NCR3LG1: variants seen among roughly 807,000 people sequenced by gnomAD.
NCR3LG1 encodes the protein natural cytotoxicity triggering receptor 3 ligand 1.
A neutral mutation model predicts 34.8 loss-of-function variants in NCR3LG1; 35 were observed. The ratio of observed to expected loss-of-function variants is 1.01; its 90% confidence interval spans 0.77 to 1.33. The LOEUF is 1.33. Among genes scored for constraint, NCR3LG1 ranks in the 40% most tolerant of loss-of-function variants. The pLI is 0.00. For synonymous variants in NCR3LG1, 173 were observed against 163.6 expected, an observed-to-expected ratio of 1.06 and a Z score of -0.44; for missense variants, 452 against 423.3, an observed-to-expected ratio of 1.07 and a Z score of -0.60.
At chr11:17,370,398 T>C (rs966885317) in intron 4 of NCR3LG1, among the ~76,000 whole-genome samples, 8 of 152,150 alleles carry the variant, frequency 5.3e-5, no homozygotes, top group Non-Finnish European at 7.3e-5. Context: ...CCAGGAAACA[T>C]TGGAAGGGTG....
chr11:17,356,928 A>G lies in NCR3LG1; in HGVS notation c.348A>G (p.Glu116=). The G allele has an allele frequency of 6.5e-7, 1 of 1,536,086 alleles. No individual in the cohort carries two copies. Among genetic ancestry groups the G allele is most frequent in the Non-Finnish European group, 8.7e-7 (1 of 1,146,902 alleles). Residue 116 remains glutamate (E), a synonymous_variant, in exon 2 of 5, where the codon GAA becomes GAG. Coordinates refer to ENST00000338965, the MANE Select transcript of NCR3LG1 (RefSeq NM_001202439.3). ...GGCTGCCTGGAATCCAGCTGGAGGA[A>G]GCAGGAGAGTACCGATGTGAGGTGG... is the stretch of plus-strand genomic sequence containing the variant. ...SLRLPGIQLE[E]AGEYRCEVVV... is the part of the protein sequence containing the mutation.
rs1953325318 is a variant in NCR3LG1 at position 17,364,671 on chromosome 11, C to T, written c.422-2338C>T. 3.3e-5 allele frequency among the ~76,000 whole-genome samples: 5 copies of T among 152,090 alleles called. No homozygotes were observed. In the South Asian group the frequency reaches 1.0e-3, roughly 32 times the overall value. ...AAGTGATTATCCTGCCTCAGCCTCC[C>T]AAGTAGCTGGGATTACAGGCATGCG... On this transcript the variant is annotated intron_variant, in intron 2 of 4. Coordinates refer to ENST00000338965, the MANE Select transcript of NCR3LG1 (RefSeq NM_001202439.3).
downstream of NCR3LG1, among the ~76,000 whole-genome samples, chr11:17,378,357 A>T (rs527743165): frequency 4.3e-4 from 66 of 152,328 alleles, no homozygotes; most frequent in South Asian, 1.5e-3. Flanking sequence ...AATCCCTCTT[A>T]AATGGATTCC....
intron 1 of NCR3LG1, among the ~76,000 whole-genome samples, chr11:17,352,251 G>C (rs1236283707): frequency 6.8e-6 from 1 of 146,742 alleles, no homozygotes; most frequent in Non-Finnish European, 1.5e-5. Flanking sequence ...CGCGATCTCG[G>C]CTCACTGCAA....
In NCR3LG1 at chr11:17,370,366, G is replaced by T. The variant is rs965475313; in HGVS notation, c.858+1402G>T. Among the ~76,000 whole-genome samples the T allele has an allele frequency of 2.0e-5, 3 of 152,216 alleles. No homozygotes were observed. In the East Asian group the frequency reaches 5.8e-4, roughly 29 times the overall value. On this transcript the variant is annotated intron_variant, in intron 4 of 4. Transcript: ENST00000338965. ...CTGCTACATTGTGGTGCATTGACGA[G>T]ACTAACATTTTGGTGCATTGGCCAG... is the stretch of plus-strand genomic sequence containing the variant.
chr11:17,352,734 G>C (rs1214946385), intron 1 of NCR3LG1, among the ~76,000 whole-genome samples: 1 of 151,982 alleles, frequency 6.6e-6, no homozygotes, highest in Non-Finnish European at 1.5e-5. Flanking sequence ...TCCTGGCTTT[G>C]CTAAGTTAGG....
chr11:17,359,885 T>C (rs547118984), intron 2 of NCR3LG1, among the ~76,000 whole-genome samples: 4 of 152,154 alleles, frequency 2.6e-5, no homozygotes, highest in Non-Finnish European at 5.9e-5. Context: ...CCTAATGATA[T>C]AATGTTGGAC....
chr11:17,357,801 G>A lies in NCR3LG1; in HGVS notation c.421+800G>A, dbSNP rs559047111. Among the ~76,000 whole-genome samples the A allele has an allele frequency of 2.6e-5, 4 of 152,108 alleles. No homozygotes were observed. The South Asian group carries it at 8.3e-4, about 32-fold the overall frequency. On this transcript the variant is annotated intron_variant, in intron 2 of 4. Transcript: ENST00000338965. ...AGCTCACTGTAACCTCAAACTCCAG[G>A]GCTCAAGTGATCCCCCTGCCTCAGC...
chr11:17,379,145 C>G (rs1953500395), downstream of NCR3LG1, among the ~76,000 whole-genome samples: 1 of 152,012 alleles, frequency 6.6e-6, no homozygotes, highest in South Asian at 2.1e-4. Context: ...AATTTTTGCT[C>G]CAACCTCACC....
rs1343052819 is a variant in NCR3LG1 at position 17,373,786 on chromosome 11, AC to A, written c.*1275del. 1.3e-5 allele frequency: 2 copies of A among 152,048 alleles called. No individual in the cohort carries two copies. Among genetic ancestry groups the A allele is most frequent in the African/African-American group, 4.8e-5 (2 of 41,374 alleles). 9.4% of individuals were successfully genotyped at this position (152,048 alleles called of 1,614,324 possible). On this transcript the variant is annotated 3_prime_UTR_variant, in exon 5 of 5. Transcript: ENST00000338965. ...CTTTTTAGTCATGCCTGAAAGTCCCACTCCTTTATTAGATAGAGATATTCCA... is the reference window on the plus strand; with the variant it reads ...CTTTTTAGTCATGCCTGAAAGTCCCATCCTTTATTAGATAGAGATATTCCA...
chr11:17,372,340 T>C lies in NCR3LG1; in HGVS notation c.1193T>C (p.Ile398Thr). Reference protein sequence around the residue: ...ALLTVTSGKSIDDNSTKSEKQ... With the variant: ...ALLTVTSGKSTDDNSTKSEKQ... ...CTAACAGTTACATCAGGCAAGTCCA[T>C]AGATGATAATTCCACAAAGTCTGAG... Residue 398 changes from isoleucine to threonine, a missense_variant, in exon 5 of 5, where the codon ATA becomes ACA. Physicochemically the swap from Ile to Thr is moderately conservative, Grantham distance 89. Coordinates refer to ENST00000338965, the MANE Select transcript of NCR3LG1 (RefSeq NM_001202439.3). The C allele has an allele frequency of 1.4e-6, 1 of 703,050 alleles. No individual in the cohort carries two copies. Among genetic ancestry groups the C allele is most frequent in the Non-Finnish European group, 2.6e-6 (1 of 385,012 alleles). 43.6% of individuals were successfully genotyped at this position (703,050 alleles called of 1,614,324 possible).
chr11:17,369,667 A>G (rs1223912302), intron 4 of NCR3LG1, among the ~76,000 whole-genome samples: 1 of 152,264 alleles, frequency 6.6e-6, no homozygotes, highest in East Asian at 1.9e-4. Context: ...TAATCAGTCA[A>G]TTAAGAAAAA....
chr11:17,367,316 TA>T lies in NCR3LG1; in HGVS notation c.730del (p.Thr244ProfsTer2). The T allele has an allele frequency of 6.5e-7, 1 of 1,535,448 alleles. No homozygotes were observed. The highest frequency in any genetic ancestry group is 8.7e-7 in the Non-Finnish European group (1 of 1,146,360). On this transcript the variant is annotated frameshift_variant, in exon 3 of 5. Coordinates refer to ENST00000338965, the MANE Select transcript of NCR3LG1 (RefSeq NM_001202439.3). LOFTEE classifies it high-confidence loss of function. ...TGCATACCCCCTTGAGGAGCAACTT[TA>T]CCCTGACTGCTGCTCGGCACAGTCT... ...SLHTPLRSNFTLTAARHSLSE... is the reference protein window; with the variant it reads ...SLHTPLRSNFXLTAARHSLSE...
intron 1 of NCR3LG1, among the ~76,000 whole-genome samples, chr11:17,354,452 T>A (rs1953180663): frequency 6.6e-6 from 1 of 152,204 alleles, no homozygotes; most frequent in East Asian, 1.9e-4. Context: ...CTTCTAAATT[T>A]ATGTAGTCTG....
rs1387453561 is a variant in NCR3LG1, at chr11:17,356,695, C to G, written c.115C>G (p.Pro39Ala). 6.5e-7 allele frequency: 1 copy of G among 1,536,058 alleles called. No individual in the cohort carries two copies. Among genetic ancestry groups the G allele is most frequent in the Non-Finnish European group, 8.7e-7 (1 of 1,146,864 alleles). ...GATGGCAGGGGGGACTCAGATCACA[C>G]CCCTGAATGACAATGTCACCATATT... ...EMMAGGTQIT[P>A]LNDNVTIFCN... is the part of the protein sequence containing the mutation. Residue 39 changes from proline to alanine, a missense_variant, in exon 2 of 5, where the codon CCC becomes GCC. Physicochemically the swap from Pro to Ala is conservative, Grantham distance 27. Coordinates refer to ENST00000338965, the MANE Select transcript of NCR3LG1 (RefSeq NM_001202439.3).
At chr11:17,363,742 G>A (rs1354274687) in intron 2 of NCR3LG1, among the ~76,000 whole-genome samples, 1 of 151,730 alleles carries the variant, frequency 6.6e-6, no homozygotes, top group Non-Finnish European at 1.5e-5. Context: ...GGCCACACGC[G>A]GGTGCCACTA....
chr11:17,381,129 C>A (rs1455245284), downstream of NCR3LG1: 1 of 152,222 alleles, frequency 6.6e-6, no homozygotes, highest in Non-Finnish European at 1.5e-5. Flanking sequence ...GCCTTCCCCC[C>A]TACAGCCTCT....
chr11:17,352,196 T>G (rs1272452464), intron 1 of NCR3LG1, among the ~76,000 whole-genome samples, 157 bp downstream of exon 1: 1 of 137,174 alleles, frequency 7.3e-6, no homozygotes, highest in Non-Finnish European at 1.6e-5. Context: ...TTTTTTTTTT[T>G]TTGAGACGGA....
chr11:17,356,113 T>TTTTTC (rs1482444326), intron 1 of NCR3LG1, among the ~76,000 whole-genome samples: 3 of 150,756 alleles, frequency 2.0e-5, no homozygotes, highest in South Asian at 2.1e-4. Flanking sequence ...ATGTCTTGTC[T>TTTTTC]TTTTCTTTTC....
Sources: allele counts gnomAD v4.1 joint callset (sites outside exome capture counted in the v4.1 genomes callset), GRCh38; gene constraint gnomAD v4.1.1; transcripts MANE v1.5; gene names NCBI Gene and HGNC (gene_info 2026-07-23, HGNC 2026-07-21).